Variants in SUGCT observed in about 807,000 individuals in gnomAD.
SUGCT encodes succinyl-CoA:glutarate CoA-transferase.
Under a neutral mutation model 55.0 loss-of-function variants are expected in SUGCT, and 41 were observed. The observed-to-expected ratio is 0.74, with a 90% CI of 0.58 to 0.97. The LOEUF (loss-of-function observed/expected upper bound fraction) is 0.97, where lower values mean the gene tolerates loss of function less well. Ranked by LOEUF, SUGCT falls within the 50% of genes least tolerant of loss-of-function variation. SUGCT has a pLI of 0.00. For missense variants in SUGCT, 568 were observed against 547.8 expected (o/e 1.04, Z -0.37); for synonymous variants, 187 against 200.4 (o/e 0.93, Z 0.56).
chr7:40,874,766 C>A, the SUGCT span, among the ~76,000 whole-genome samples: 3 of 152,214 alleles, frequency 2.0e-5, no homozygotes, highest in Non-Finnish European at 4.4e-5. Flanking sequence ...GCCACCACCA[C>A]ACTTAGTGCT....
intron 13 of SUGCT, among the ~76,000 whole-genome samples, chr7:40,761,216 G>A (rs1214128846): frequency 1.3e-5 from 2 of 152,192 alleles, no homozygotes; most frequent in African/African-American, 4.8e-5. Flanking sequence ...GGCTGCCACT[G>A]CCAGATGGAC....
At chr7:40,576,543 A>C (rs900589888) in intron 12 of SUGCT, among the ~76,000 whole-genome samples, 1 of 152,222 alleles carries the variant, frequency 6.6e-6, no homozygotes, top group African/African-American at 2.4e-5. Context: ...AGACTTACGC[A>C]TGTGAAAGTT....
chr7:41,021,340 ATTTTCCTTATTAT>A, the SUGCT span, among the ~76,000 whole-genome samples: 1 of 151,958 alleles, frequency 6.6e-6, no homozygotes, highest in East Asian at 1.9e-4. Context: ...GAAAACAGAC[ATTTTCCTTATTAT>A]TTTTCCTTAT....
chr7:40,238,694 G>A (rs1789167215), intron 7 of SUGCT, among the ~76,000 whole-genome samples: 1 of 151,822 alleles, frequency 6.6e-6, no homozygotes, highest in South Asian at 2.1e-4. Flanking sequence ...ATTTTCTCAT[G>A]ATGAGATTTA....
At chr7:41,035,937 C>G in the SUGCT span, among the ~76,000 whole-genome samples, 5 of 152,338 alleles carry the variant, frequency 3.3e-5, no homozygotes, top group East Asian at 9.7e-4. Flanking sequence ...TGAAGCTTCT[C>G]TGACTCCTCA....
At chr7:40,655,119 C>T (rs988521143) in intron 12 of SUGCT, among the ~76,000 whole-genome samples, 1 of 151,958 alleles carries the variant, frequency 6.6e-6, no homozygotes, top group Non-Finnish European at 1.5e-5. Flanking sequence ...CATAGCGAGA[C>T]CCTGTTTCTA....
At chr7:40,802,880 A>G (rs1411870580) in intron 13 of SUGCT, among the ~76,000 whole-genome samples, 1 of 152,218 alleles carries the variant, frequency 6.6e-6, no homozygotes, top group African/African-American at 2.4e-5. Flanking sequence ...CAGAAAATAT[A>G]TAAATGACCA....
chr7:40,195,860 C>A (rs1463361318), intron 6 of SUGCT, among the ~76,000 whole-genome samples: 1 of 151,560 alleles, frequency 6.6e-6, no homozygotes, highest in South Asian at 2.1e-4. Context: ...GTTACAGGTG[C>A]CTACCACCAT....
chr7:40,270,788 A>G (rs1280771761), intron 7 of SUGCT, among the ~76,000 whole-genome samples: 1 of 152,164 alleles, frequency 6.6e-6, no homozygotes. Context: ...GGAGTGTGGG[A>G]AGCATTGCCA....
At chr7:40,834,082 T>A (rs1345408173) in intron 13 of SUGCT, among the ~76,000 whole-genome samples, 2 of 152,158 alleles carry the variant, frequency 1.3e-5, no homozygotes, top group Non-Finnish European at 2.9e-5. Context: ...AAACAAAAAA[T>A]CTCAGTTCTG....
rs142044846 is a variant in SUGCT, at chr7:40,698,386, G to C, written c.1090-51048G>C. On this transcript the variant is annotated intron_variant, in intron 12 of 13. Transcript: ENST00000335693. ...GACAGGGGGCTTGCCCTGACTTGCA[G>C]GACTCTTCAAGGGTGGAATGCAGAA... 3.5e-3 allele frequency among the ~76,000 whole-genome samples: 535 copies of C among 152,304 alleles called. 4 individuals are homozygous for C. Among genetic ancestry groups the C allele is most frequent in the African/African-American group, 0.012 (514 of 41,568 alleles).
chr7:40,161,356 A>C (rs1391394050), intron 1 of SUGCT, among the ~76,000 whole-genome samples: 1 of 152,154 alleles, frequency 6.6e-6, no homozygotes, highest in African/African-American at 2.4e-5. Context: ...TATTCCATGG[A>C]ATGGGCTCTC....
At chr7:40,978,847 G>A in the SUGCT span, among the ~76,000 whole-genome samples, 1 of 152,220 alleles carries the variant, frequency 6.6e-6, no homozygotes, top group Non-Finnish European at 1.5e-5. Flanking sequence ...GTATGACACA[G>A]GTTATGCAGG....
At chr7:40,364,225 G>A (rs892471862) in intron 9 of SUGCT, among the ~76,000 whole-genome samples, 13 of 152,058 alleles carry the variant, frequency 8.5e-5, no homozygotes, top group African/African-American at 2.9e-4. Flanking sequence ...CGTGAGATGG[G>A]TTTTCTGAAT....
chr7:40,509,912 G>A (rs896426600), intron 12 of SUGCT, among the ~76,000 whole-genome samples: 11 of 152,030 alleles, frequency 7.2e-5, no homozygotes, highest in Admixed American at 5.2e-4. Flanking sequence ...CATTGTACCC[G>A]CAACCTGAAT....
At chr7:40,802,054 CT>C (rs77975324) in intron 13 of SUGCT, among the ~76,000 whole-genome samples, 2 of 151,256 alleles carry the variant, frequency 1.3e-5, no homozygotes, top group Admixed American at 6.6e-5. Context: ...AGAACAGACT[CT>C]TTTTTTTCCT....
the SUGCT span, among the ~76,000 whole-genome samples, chr7:41,032,185 A>C: frequency 3.3e-5 from 5 of 152,208 alleles, no homozygotes; most frequent in South Asian, 2.1e-4. Flanking sequence ...TCTTCCCCAG[A>C]TAGGCCAAGT....
chr7:41,027,727 A>C, the SUGCT span, among the ~76,000 whole-genome samples: 1 of 152,190 alleles, frequency 6.6e-6, no homozygotes, highest in Admixed American at 6.5e-5. Context: ...TCCCATTAGG[A>C]AAACATTAGG....
intron 13 of SUGCT, among the ~76,000 whole-genome samples, chr7:40,798,432 GT>G (rs1259183492): frequency 1.3e-5 from 2 of 152,098 alleles, no homozygotes; most frequent in African/African-American, 4.8e-5. Flanking sequence ...GAAAATATGT[GT>G]TTTGAATTGC....
Sources: gnomAD v4.1 joint callset for allele counts (sites outside exome capture counted in the v4.1 genomes callset) on GRCh38, gnomAD v4.1.1 for gene constraint, MANE v1.5 for transcripts, NCBI Gene and HGNC (gene_info 2026-07-23, HGNC 2026-07-21) for gene names.